NMRAL1: variants seen among roughly 807,000 people sequenced by gnomAD.
NMRAL1 encodes the protein NmrA like redox sensor 1.
A neutral mutation model predicts 27.5 loss-of-function variants in NMRAL1; 32 were observed. The observed-to-expected ratio is 1.16, with a 90% CI of 0.88 to 1.56. The LOEUF is 1.56. Among genes scored for constraint, NMRAL1 ranks in the 40% most tolerant of loss-of-function variants. The pLI, the probability that NMRAL1 is intolerant of heterozygous loss-of-function variation, is 0.00. For synonymous variants in NMRAL1, 166 were observed against 166.8 expected, an observed-to-expected ratio of 1.00 and a Z score of 0.04; for missense variants, 420 against 392.0, an observed-to-expected ratio of 1.07 and a Z score of -0.60.
rs751141311 is a variant in NMRAL1, at chr16:4,469,587, T to C, written c.41-122A>G. On this transcript the variant is annotated intron_variant, in intron 2 of 5. Transcript: ENST00000283429. ...ATCCAGGAAACCTTCTCAACGACGA[T>C]TCTCATTCAGGTATTTTTATTTTCT... 4 of 1,524,574 alleles carry C rather than the reference T, an allele frequency of 2.6e-6. No homozygotes were observed. The African/African-American group carries it at 5.6e-5, about 21-fold the overall frequency. The allele number at this position is 1,524,574 out of a possible 1,614,324, so 94.4% of individuals were successfully genotyped here.
At chr16:4,464,977 G>A (rs1328652778) in intron 4 of NMRAL1, among the ~76,000 whole-genome samples, 4 of 149,540 alleles carry the variant, frequency 2.7e-5, no homozygotes, top group African/African-American at 2.5e-5. Flanking sequence ...CCACGATCTC[G>A]GCTCACTGCA....
chr16:4,474,303 C>A, intron 1 of NMRAL1, 137 bp from the exon 2 acceptor site: 1 of 612,036 alleles, frequency 1.6e-6, no homozygotes. Context: ...GACGCCTGTC[C>A]CGAGATATCG....
chr16:4,471,772 C>T (rs75205270), intron 2 of NMRAL1, among the ~76,000 whole-genome samples: 5,710 of 151,872 alleles, frequency 0.038, 374 homozygotes, highest in African/African-American at 0.13. Flanking sequence ...CACAGAAATG[C>T]ATCAAAAATA....
rs1241960634 is a variant in NMRAL1, at chr16:4,469,434, G to A, written c.72C>T (p.Leu24=). ...GAQGGSVART[L]LEDGTFKVRV... is the part of the protein sequence containing the mutation. ...GAACCTTGAATGTCCCATCTTCCAG[G>A]AGTGTGCGGGCCACGGAGCCACCCT... The change falls in exon 3 of 6, where the codon CTC becomes CTT. Residue 24 remains leucine, a synonymous_variant. Coordinates refer to ENST00000283429, the MANE Select transcript of NMRAL1 (RefSeq NM_020677.6). 1 of 1,614,002 alleles carries A rather than the reference G, an allele frequency of 6.2e-7. No individual in the cohort carries two copies. The highest frequency in any genetic ancestry group is 2.2e-5 in the East Asian group (1 of 44,870).
intron 2 of NMRAL1, among the ~76,000 whole-genome samples, 172 bp downstream of exon 2, chr16:4,473,921 G>T (rs1413780075): frequency 6.6e-6 from 1 of 150,892 alleles, no homozygotes; most frequent in Non-Finnish European, 1.5e-5. Flanking sequence ...GCAAAACTCC[G>T]TCCAAAAAAA....
rs917149765 is a variant in NMRAL1 at position 4,463,485 on chromosome 16, G to C, written c.720+175C>G. Reference sequence around the variant, plus strand: ...CTATTTGGTCAAAACATCTAAGCCAGAAATTTCACTCTGTGGCCAGTTAGC... The same window carrying C: ...CTATTTGGTCAAAACATCTAAGCCACAAATTTCACTCTGTGGCCAGTTAGC... On this transcript the variant is annotated intron_variant, in intron 5 of 5. Transcript: ENST00000283429. 4.0e-5 allele frequency: 24 copies of C among 597,460 alleles called. No individual in the cohort carries two copies. The African/African-American group carries it at 4.4e-4, about 11-fold the overall frequency. The allele number at this position is 597,460 out of a possible 1,614,324, so 37.0% of individuals were successfully genotyped here.
rs1350528431 is a variant in NMRAL1, at chr16:4,474,085, T to C, written c.40+8A>G. The C allele has an allele frequency of 7.4e-6, 12 of 1,610,936 alleles. No homozygotes were observed. Among genetic ancestry groups the C allele is most frequent in the Non-Finnish European group, 1.0e-5 (12 of 1,178,104 alleles). ...TCTGCAAGGGCCCCAGTCTGGGGTTTGGCTCACCTGTGCCTCCGAAAACCA... is the reference window on the plus strand; with the variant it reads ...TCTGCAAGGGCCCCAGTCTGGGGTTCGGCTCACCTGTGCCTCCGAAAACCA... On this transcript the variant is annotated splice_region_variant and intron_variant, in intron 2 of 5. Transcript: ENST00000283429.
At chr16:4,473,148 T>C (rs933859784) in intron 2 of NMRAL1, among the ~76,000 whole-genome samples, 5 of 151,978 alleles carry the variant, frequency 3.3e-5, no homozygotes, top group African/African-American at 1.2e-4. Context: ...TTGTATTTTT[T>C]TGTAGAGACG....
At chr16:4,468,750 G>A (rs907144457) in intron 3 of NMRAL1, among the ~76,000 whole-genome samples, 4 of 152,014 alleles carry the variant, frequency 2.6e-5, no homozygotes, top group Middle Eastern at 3.2e-3. Flanking sequence ...GGTACACGTG[G>A]ACATGAAGGC....
chr16:4,463,894 C>G (rs778720999), intron 4 of NMRAL1, 44 bp from the exon 5 acceptor site: 2 of 1,558,476 alleles, frequency 1.3e-6, no homozygotes, highest in East Asian at 2.3e-5. Context: ...CGAGGGCAGA[C>G]AGGGGCAGGG....
intron 2 of NMRAL1, 152 bp downstream of exon 2, chr16:4,473,941 G>T (rs2057707533): frequency 1.7e-6 from 1 of 586,502 alleles, no homozygotes. Context: ...AAAAAAATTG[G>T]AAAGCAATTT....
intron 5 of NMRAL1, 120 bp downstream of exon 5, chr16:4,463,540 G>A (rs747487616): frequency 9.0e-6 from 7 of 774,814 alleles, no homozygotes; most frequent in African/African-American, 1.8e-5. Context: ...AAACGTTGAC[G>A]ATGAACGAAT....
rs771842296 is a variant in NMRAL1, at chr16:4,469,223, T to C, written c.279+4A>G. On this transcript the variant is annotated splice_donor_region_variant and intron_variant, in intron 3 of 5. Coordinates refer to ENST00000283429, the MANE Select transcript of NMRAL1 (RefSeq NM_020677.6). ...GCCTCCCTGCAGCTCCTGCCTGCCC[T>C]CACCTGCTTGACCTCCTGCTCCTGG... 9 of 1,609,052 alleles carry C rather than the reference T, an allele frequency of 5.6e-6. No homozygotes were observed. Among genetic ancestry groups the C allele is most frequent in the Non-Finnish European group, 7.7e-6 (9 of 1,175,934 alleles).
At chr16:4,471,671 A>C (rs1224840738) in intron 2 of NMRAL1, among the ~76,000 whole-genome samples, 2 of 151,972 alleles carry the variant, frequency 1.3e-5, no homozygotes, top group African/African-American at 4.8e-5. Flanking sequence ...TTACCTCATA[A>C]TTAAAAATAA....
At position 4,474,123 on chromosome 16, in the gene NMRAL1, T is replaced by A; in HGVS notation, c.10A>T (p.Lys4Ter). 6.2e-7 allele frequency: 1 copy of A among 1,612,144 alleles called. No homozygotes were observed. Among genetic ancestry groups the A allele is most frequent in the African/African-American group, 1.3e-5 (1 of 75,002 alleles). ...CCTCCGAAAACCACCACCAGTTTCT[T>A]GTCCACCATGAGGACGAGAATGGGA... is the stretch of plus-strand genomic sequence containing the variant. MVD[K>*]KLVVVFGGTG... Residue 4 changes from lysine to a stop codon, truncating the protein, a stop_gained, in exon 2 of 6, where the codon AAG (lysine) becomes TAG (stop). Transcript: ENST00000283429. LOFTEE classifies it high-confidence loss of function.
At chr16:4,466,643 CGG>C (rs145197863) in intron 3 of NMRAL1, 2 of 543,506 alleles carry the variant, frequency 3.7e-6, no homozygotes, top group Non-Finnish European at 6.6e-6. Context: ...CAACATAGGA[CGG>C]GGGGGCAGGT....
chr16:4,469,077 G>A (rs928473983), intron 3 of NMRAL1, 150 bp downstream of exon 3: 15 of 648,340 alleles, frequency 2.3e-5, no homozygotes, highest in Non-Finnish European at 3.6e-5. Flanking sequence ...AAGCAACAGC[G>A]TCCACCTGCT....
chr16:4,467,319 C>G (rs943929816), intron 3 of NMRAL1: 1 of 152,440 alleles, frequency 6.6e-6, no homozygotes, highest in Admixed American at 6.6e-5. Context: ...CTGCAGCCTC[C>G]GCTTCCTGGA....
chr16:4,464,848 C>T (rs1338500992), intron 4 of NMRAL1, among the ~76,000 whole-genome samples: 1 of 151,842 alleles, frequency 6.6e-6, no homozygotes. Context: ...ATCTCCTGAA[C>T]CTCGTGATCC....
Sources: gnomAD v4.1 joint callset for allele counts (sites outside exome capture counted in the v4.1 genomes callset) on GRCh38, gnomAD v4.1.1 for gene constraint, MANE v1.5 for transcripts, NCBI Gene and HGNC (gene_info 2026-07-23, HGNC 2026-07-21) for gene names.